Variants in EDIL3 observed in about 807,000 individuals in gnomAD.
EDIL3 encodes EGF like and discoidin domains 3, also known as EGF-like repeat and discoidin I-like domain-containing protein 3.
A neutral mutation model predicts 67.4 loss-of-function variants in EDIL3; 37 were observed. That is an observed-to-expected ratio of 0.55 (90% confidence interval 0.42 to 0.72). The LOEUF (loss-of-function observed/expected upper bound fraction) is 0.72, where lower values mean the gene tolerates loss of function less well. Ranked by LOEUF, EDIL3 falls within the 30% of genes least tolerant of loss-of-function variation. The pLI is 0.00. For synonymous variants in EDIL3, 195 were observed against 196.3 expected, an observed-to-expected ratio of 0.99 and a Z score of 0.05; for missense variants, 527 against 586.3, an observed-to-expected ratio of 0.90 and a Z score of 1.04.
rs745306987 is a variant in EDIL3 at position 84,299,222 on chromosome 5, G to T, written c.68-45010C>A. On this transcript the variant is annotated intron_variant, in intron 1 of 10. Coordinates refer to ENST00000296591, the MANE Select transcript of EDIL3 (RefSeq NM_005711.5). ...AAAGTTGTTGAGCTAAGAGATAGTG[G>T]TATATACACATTTTTTAAAAAAATG... 2.6e-5 allele frequency among the ~76,000 whole-genome samples: 4 copies of T among 152,036 alleles called. No homozygotes were observed. In the South Asian group the frequency reaches 8.3e-4, roughly 32 times the overall value.
intron 9 of EDIL3, among the ~76,000 whole-genome samples, chr5:84,022,015 A>G (rs1352287603): frequency 6.6e-6 from 1 of 151,986 alleles, no homozygotes; most frequent in African/African-American, 2.4e-5. Context: ...TATTCCAAAT[A>G]ATTGAAGACG....
At chr5:84,267,168 C>T (rs1745367630) in intron 1 of EDIL3, among the ~76,000 whole-genome samples, 2 of 152,168 alleles carry the variant, frequency 1.3e-5, no homozygotes, top group Non-Finnish European at 2.9e-5. Flanking sequence ...TCTCCCTTCA[C>T]CTCTTCAAGT....
intron 9 of EDIL3, among the ~76,000 whole-genome samples, chr5:83,997,964 C>T (rs77647526): frequency 2.0e-5 from 3 of 152,242 alleles, no homozygotes; most frequent in African/African-American, 7.2e-5. Context: ...AGGGAAATCG[C>T]CCATCCAGCA....
intron 3 of EDIL3, among the ~76,000 whole-genome samples, chr5:84,205,268 A>G (rs1743945837): frequency 6.6e-6 from 1 of 152,070 alleles, no homozygotes; most frequent in African/African-American, 2.4e-5. Context: ...ATATGTTTGT[A>G]CCTATATATG....
chr5:84,119,236 T>TTTC (rs3046829), intron 5 of EDIL3, among the ~76,000 whole-genome samples: 1 of 140,062 alleles, frequency 7.1e-6, no homozygotes, highest in Admixed American at 7.3e-5. Context: ...TTTTTTTTTT[T>TTTC]CACAGAAATG....
At chr5:84,286,919 C>T (rs1014936739) in intron 1 of EDIL3, among the ~76,000 whole-genome samples, 8 of 152,094 alleles carry the variant, frequency 5.3e-5, no homozygotes, top group Admixed American at 1.3e-4. Context: ...AGTCTTTGGG[C>T]CAGACACAGT....
rs578127762 is a variant in EDIL3, at chr5:84,037,086, G to A, written c.1137+23214C>T. 1.1e-4 allele frequency among the ~76,000 whole-genome samples: 16 copies of A among 152,238 alleles called. No homozygotes were observed. In the South Asian group the frequency reaches 2.5e-3, roughly 24 times the overall value. ...TGAGACTGACTGAAAAGCATCCTGG[G>A]CTGCACTCATCAAGGTATGCCCCAG... is the stretch of plus-strand genomic sequence containing the variant. On this transcript the variant is annotated intron_variant, in intron 9 of 10. Coordinates refer to ENST00000296591, the MANE Select transcript of EDIL3 (RefSeq NM_005711.5).
At chr5:83,986,452 G>A (rs1266036353) in intron 9 of EDIL3, among the ~76,000 whole-genome samples, 1 of 152,132 alleles carries the variant, frequency 6.6e-6, no homozygotes, top group African/African-American at 2.4e-5. Context: ...GAAGAGTTTT[G>A]AGGCTCTTTT....
chr5:84,267,332 T>C (rs1048035563), intron 1 of EDIL3, among the ~76,000 whole-genome samples: 1 of 152,186 alleles, frequency 6.6e-6, no homozygotes, highest in African/African-American at 2.4e-5. Context: ...TTTGTGAAAA[T>C]AGGAATAATT....
chr5:84,361,581 T>A (rs1014269950), intron 1 of EDIL3, among the ~76,000 whole-genome samples: 1 of 151,984 alleles, frequency 6.6e-6, no homozygotes, highest in Non-Finnish European at 1.5e-5. Context: ...GCTATAAATC[T>A]GTTTATTTTT....
intron 1 of EDIL3, among the ~76,000 whole-genome samples, chr5:84,263,557 T>C (rs1346097820): frequency 6.6e-6 from 1 of 152,226 alleles, no homozygotes; most frequent in African/African-American, 2.4e-5. Context: ...CCTACTCTGC[T>C]ACTCTCTAAT....
intron 9 of EDIL3, among the ~76,000 whole-genome samples, chr5:83,991,485 T>C (rs1745149950): frequency 1.3e-5 from 2 of 152,170 alleles, no homozygotes; most frequent in Non-Finnish European, 2.9e-5. Context: ...CACCTCTTAC[T>C]TTCTCACTTT....
At chr5:84,033,436 A>C (rs1745963158) in intron 9 of EDIL3, among the ~76,000 whole-genome samples, 1 of 152,212 alleles carries the variant, frequency 6.6e-6, no homozygotes, top group Non-Finnish European at 1.5e-5. Context: ...TAGGCCAGGC[A>C]TAGTGGCTCA....
chr5:84,053,572 A>G (rs1746382312), intron 9 of EDIL3, among the ~76,000 whole-genome samples: 1 of 152,198 alleles, frequency 6.6e-6, no homozygotes, highest in South Asian at 2.1e-4. Flanking sequence ...CAAGACTAAT[A>G]AAGAAGAAAA....
At chr5:84,269,239 T>C (rs1288256264) in intron 1 of EDIL3, among the ~76,000 whole-genome samples, 2 of 152,192 alleles carry the variant, frequency 1.3e-5, no homozygotes, top group Non-Finnish European at 2.9e-5. Context: ...TCAGCAAATA[T>C]ATGGTATTCA....
intron 3 of EDIL3, among the ~76,000 whole-genome samples, chr5:84,183,025 T>C (rs1010249915): frequency 7.9e-5 from 12 of 152,156 alleles, no homozygotes; most frequent in African/African-American, 2.9e-4. Flanking sequence ...ATGAAAATCA[T>C]GCTGCAGAAC....
intron 5 of EDIL3, among the ~76,000 whole-genome samples, chr5:84,125,542 G>T (rs542462058): frequency 2.0e-5 from 3 of 151,950 alleles, no homozygotes; most frequent in Non-Finnish European, 4.4e-5. Flanking sequence ...TCTGATACAA[G>T]AAAGGAACTA....
At chr5:84,214,128 A>G (rs1422571588) in intron 3 of EDIL3, among the ~76,000 whole-genome samples, 1 of 152,188 alleles carries the variant, frequency 6.6e-6, no homozygotes, top group Non-Finnish European at 1.5e-5. Flanking sequence ...CCTACCAGTT[A>G]TTACTAACAA....
intron 9 of EDIL3, among the ~76,000 whole-genome samples, chr5:84,010,389 C>T (rs1745496930): frequency 6.6e-6 from 1 of 152,138 alleles, no homozygotes. Context: ...TGCTTGTGTA[C>T]TTCCCTATCA....
Sources: allele counts gnomAD v4.1 joint callset (sites outside exome capture counted in the v4.1 genomes callset), GRCh38; gene constraint gnomAD v4.1.1; transcripts MANE v1.5; gene names NCBI Gene and HGNC (gene_info 2026-07-23, HGNC 2026-07-21).